NUP62: variants seen among roughly 807,000 people sequenced by gnomAD.
NUP62 encodes nucleoporin 62.
For synonymous variants in NUP62, 305 were observed against 303.4 expected, an observed-to-expected ratio of 1.01 and a Z score of -0.05; for missense variants, 647 against 689.4, an observed-to-expected ratio of 0.94 and a Z score of 0.69.
chr19:49,910,078 C>T (rs971549803), intron 2 of NUP62, among the ~76,000 whole-genome samples, 194 bp from the exon 3 acceptor site: 12 of 151,996 alleles, frequency 7.9e-5, no homozygotes, highest in African/African-American at 7.3e-5. Context: ...TACGAGGAGC[C>T]GGGGTGCTAG....
In NUP62 at chr19:49,921,338, CT is replaced by C. The variant is rs1419491080; in HGVS notation, c.-78+6355del. The stretch of plus-strand genomic sequence containing the variant: ...GCACCGAGCCTCTCCAAAACATGGT[CT>C]TTTTTTGCTCCCCACTGCCACCACC... On this transcript the variant is annotated intron_variant, in intron 2 of 2. Transcript: ENST00000352066. The surrounding 1 kb of genome is among the most constrained non-coding windows in gnomAD (Gnocchi z 5.4). 6.6e-6 allele frequency among the ~76,000 whole-genome samples: 1 copy of C among 152,054 alleles called. No homozygotes were observed. Among genetic ancestry groups the C allele is most frequent in the Non-Finnish European group, 1.5e-5 (1 of 67,988 alleles).
intron 2 of NUP62, among the ~76,000 whole-genome samples, chr19:49,918,923 G>GGGGGGGGC: frequency 6.8e-6 from 1 of 147,886 alleles, no homozygotes; most frequent in African/African-American, 2.5e-5. Flanking sequence ...GTGTGGGGGG[G>GGGGGGGGC]CGGATCACCT....
chr19:49,913,819 G>A (rs1206205279), intron 2 of NUP62, among the ~76,000 whole-genome samples: 1 of 152,150 alleles, frequency 6.6e-6, no homozygotes, highest in Admixed American at 6.6e-5. Context: ...GGAGAATCTG[G>A]CAGACCCATA....
At chr19:49,929,085 G>A (rs929061446) in intron 1 of NUP62, 1 of 152,458 alleles carries the variant, frequency 6.6e-6, no homozygotes, top group Non-Finnish European at 1.5e-5. Context: ...CTGATCCCCA[G>A]GAGGAGGGGA....
At position 49,921,932 on chromosome 19, in the gene NUP62, G is replaced by A. The variant is rs1432658785; in HGVS notation, c.-78+5762C>T. Among the ~76,000 whole-genome samples the A allele has an allele frequency of 6.6e-6, 1 of 152,228 alleles. No homozygotes were observed. Among genetic ancestry groups the A allele is most frequent in the African/African-American group, 2.4e-5 (1 of 41,460 alleles). On this transcript the variant is annotated intron_variant, in intron 2 of 2. Coordinates refer to ENST00000352066, the MANE Select transcript of NUP62 (RefSeq NM_016553.5). This position sits in a 1 kb window ranked among gnomAD's most constrained non-coding sequence, Gnocchi z 5.4. ...CACCTCCCTTCCATCTTGGCAGGAT[G>A]AGTGCATTTGCTGCGAGAAAGCAGC...
rs1189278422 is a variant in NUP62 at position 49,926,906 on chromosome 19, A to C, written c.-78+788T>G. ...GGTCTCACTCTGTCACCCAGGCTGC[A>C]GTGTGGTGGCACAATCTCGGCTTAC... is the stretch of plus-strand genomic sequence containing the variant. On this transcript the variant is annotated intron_variant, in intron 2 of 2. Transcript: ENST00000352066. 3.4e-5 allele frequency among the ~76,000 whole-genome samples: 5 copies of C among 147,628 alleles called. No individual in the cohort carries two copies. In the East Asian group the frequency reaches 8.0e-4, roughly 24 times the overall value.
At chr19:49,926,796 C>G (rs1371441168) in intron 2 of NUP62, among the ~76,000 whole-genome samples, 1 of 151,878 alleles carries the variant, frequency 6.6e-6, no homozygotes. Flanking sequence ...AGGCGTTAGT[C>G]TAACTGCTCG....
Position 49,907,411 on chromosome 19 carries a change from C to A in NUP62, c.*828G>T. 1 of 392,316 alleles carries A rather than the reference C, an allele frequency of 2.5e-6. No homozygotes were observed. 24.3% of individuals were successfully genotyped at this position (392,316 alleles called of 1,614,324 possible). A position where few individuals can be genotyped will look rare whatever the true frequency, so the allele number is the denominator to read the frequency against. ...GCAGGCCCCTCAGCTGACCTGTCTT[C>A]TGTGAAATTCTTGATCCCGCTCTGT... On this transcript the variant is annotated 3_prime_UTR_variant, in exon 3 of 3. Transcript: ENST00000352066.
chr19:49,911,594 G>C (rs2075464497), intron 2 of NUP62, among the ~76,000 whole-genome samples: 1 of 152,060 alleles, frequency 6.6e-6, no homozygotes, highest in African/African-American at 2.4e-5. Context: ...AGGCCCCTAA[G>C]TTTTGTTTCG....
intron 2 of NUP62, among the ~76,000 whole-genome samples, chr19:49,919,027 C>T (rs1358970362): frequency 6.6e-6 from 1 of 151,962 alleles, no homozygotes; most frequent in African/African-American, 2.4e-5. Context: ...GTGGTGCATG[C>T]CTGTAATCCC....
rs1035355541 is a variant in NUP62 at position 49,921,037 on chromosome 19, A to G, written c.-78+6657T>C. Among the ~76,000 whole-genome samples, 8 of 152,128 alleles carry G rather than the reference A, an allele frequency of 5.3e-5. No individual in the cohort carries two copies. The highest frequency in any genetic ancestry group is 1.9e-4 in the African/African-American group (8 of 41,408). ...AGATGGGGGCAGGGTGGCTTTCATT[A>G]TGAGAACTGGAAGCAAACACAGCCC... is the stretch of plus-strand genomic sequence containing the variant. On this transcript the variant is annotated intron_variant, in intron 2 of 2. Coordinates refer to ENST00000352066, the MANE Select transcript of NUP62 (RefSeq NM_016553.5). This position sits in a 1 kb window ranked among gnomAD's most constrained non-coding sequence, Gnocchi z 5.4.
At chr19:49,928,120 T>C (rs2075951656) in intron 1 of NUP62, 1 of 152,108 alleles carries the variant, frequency 6.6e-6, no homozygotes, top group Non-Finnish European at 1.5e-5. Context: ...TTTAGAGGGA[T>C]GAGGGAGACA....
intron 2 of NUP62, among the ~76,000 whole-genome samples, chr19:49,920,289 G>A (rs2075733623): frequency 6.6e-6 from 1 of 152,170 alleles, no homozygotes; most frequent in African/African-American, 2.4e-5. Flanking sequence ...CGCCATGTTG[G>A]CCAGGATGGT....
chr19:49,909,893 G>A lies in NUP62; in HGVS notation c.-77-9C>T. 2.1e-6 allele frequency: 3 copies of A among 1,442,008 alleles called. No individual in the cohort carries two copies. The highest frequency in any genetic ancestry group is 2.9e-6 in the Non-Finnish European group (3 of 1,036,762). The allele number at this position is 1,442,008 out of a possible 1,614,324, so 89.3% of individuals were successfully genotyped here. A position where few individuals can be genotyped will look rare whatever the true frequency, so the allele number is the denominator to read the frequency against. ...CAGCCTTGGGAAGATTTCTAAAGCA[G>A]AGGAAGTGACATTGTCAGATGGCAG... is the stretch of plus-strand genomic sequence containing the variant. On this transcript the variant is annotated splice_polypyrimidine_tract_variant and intron_variant, in intron 2 of 2. Transcript: ENST00000352066.
rs991227758 is a variant in NUP62, at chr19:49,909,864, T to A, written c.-57A>T. On this transcript the variant is annotated 5_prime_UTR_variant, in exon 3 of 3. Transcript: ENST00000352066. ...GGCTCCCAAAGCAAATCCGTCGGTG[T>A]CTGCAGCCTTGGGAAGATTTCTAAA... The A allele has an allele frequency of 6.4e-7, 1 of 1,570,304 alleles. No individual in the cohort carries two copies. The highest frequency in any genetic ancestry group is 1.4e-5 in the African/African-American group (1 of 73,846).
At chr19:49,910,930 G>T (rs1188914942) in intron 2 of NUP62, 1 of 152,162 alleles carries the variant, frequency 6.6e-6, no homozygotes, top group Admixed American at 6.5e-5. Flanking sequence ...TTGGGAAAGG[G>T]TTTTTTTCTG....
At chr19:49,918,397 G>A (rs562964301) in intron 2 of NUP62, 1 of 152,288 alleles carries the variant, frequency 6.6e-6, no homozygotes, top group East Asian at 1.9e-4. Flanking sequence ...TCTGTGACAT[G>A]GAAGAGCTCC....
At chr19:49,924,539 A>T (rs1254464699) in intron 2 of NUP62, among the ~76,000 whole-genome samples, 5 of 152,170 alleles carry the variant, frequency 3.3e-5, no homozygotes. Flanking sequence ...TCCGCACCGA[A>T]AAAGAGTCCC....
At position 49,908,970 on chromosome 19, in the gene NUP62, TGGCGGTGGC is replaced by T. The variant is rs774781645; in HGVS notation, c.829_837del (p.Ala277_Ala279del). On this transcript the variant is annotated inframe_deletion, in exon 3 of 3. Coordinates refer to ENST00000352066, the MANE Select transcript of NUP62 (RefSeq NM_016553.5). ...GTGGTGCTGCTGCTGCTGGTGGTGG[TGGCGGTGGC>T]GGTGGCAGCGGTGGATGTTGTTGTG... 2.9e-5 allele frequency: 47 copies of T among 1,608,118 alleles called. No individual in the cohort carries two copies. Among genetic ancestry groups the T allele is most frequent in the Non-Finnish European group, 3.7e-5 (43 of 1,176,592 alleles).
Sources: allele counts gnomAD v4.1 joint callset (sites outside exome capture counted in the v4.1 genomes callset), GRCh38; gene constraint gnomAD v4.1.1; non-coding constraint Gnocchi (gnomAD v3.1); transcripts MANE v1.5; gene names NCBI Gene and HGNC (gene_info 2026-07-23, HGNC 2026-07-21).